SLC35F1: variants seen among roughly 807,000 people sequenced by gnomAD.
SLC35F1 encodes the protein chromosome 6 open reading frame 169.
Under a neutral mutation model 48.7 loss-of-function variants are expected in SLC35F1, and 14 were observed. The ratio of observed to expected loss-of-function variants is 0.29; its 90% CI spans 0.19 to 0.45. The LOEUF is 0.45. Ranked by LOEUF, SLC35F1 falls within the 20% of genes least tolerant of loss-of-function variation. The probability of loss-of-function intolerance (pLI) is 1.00; values close to 1 mark genes in which losing one functional copy is unlikely to be tolerated. For synonymous variants in SLC35F1, 190 were observed against 202.2 expected (o/e 0.94, Z 0.51); for missense variants, 404 against 500.0 (o/e 0.81, Z 1.83).
intron 7 of SLC35F1, among the ~76,000 whole-genome samples, chr6:118,286,647 G>A (rs1776052101): frequency 6.6e-6 from 1 of 152,056 alleles, no homozygotes; most frequent in African/African-American, 2.4e-5. Context: ...GTATAACTGA[G>A]GAATAAAAAT....
At chr6:118,106,101 G>A (rs1041926219) in intron 1 of SLC35F1, among the ~76,000 whole-genome samples, 3 of 152,018 alleles carry the variant, frequency 2.0e-5, no homozygotes, top group East Asian at 1.9e-4. Flanking sequence ...ACTAAGTATT[G>A]GTAATATAAA....
rs1385290034 is a variant in SLC35F1 at position 117,966,134 on chromosome 6, C to A, written c.173+58235C>A. Among the ~76,000 whole-genome samples the A allele has an allele frequency of 1.5e-4, 9 of 60,058 alleles. No homozygotes were observed. The South Asian group carries it at 6.5e-3, about 44-fold the overall frequency. 39.4% of individuals were successfully genotyped at this position (60,058 alleles called of 152,430 possible). A position where few individuals can be genotyped will look rare whatever the true frequency, so the allele number is the denominator to read the frequency against. ...AAGGGAATAAAAGCAGGCCACCGCC[C>A]CCCCCCCCACTCCCGCCCCGCCCCA... On this transcript the variant is annotated intron_variant, in intron 1 of 7. Transcript: ENST00000360388.
rs1025831449 is a variant in SLC35F1 at position 118,173,410 on chromosome 6, A to C, written c.349+18790A>C. ...TAAAAAAAAAACAAAAAACAAAAAA[A>C]AAACAGCCAAAACTTTAGGTTTTAA... On this transcript the variant is annotated intron_variant, in intron 2 of 7. Coordinates refer to ENST00000360388, the MANE Select transcript of SLC35F1 (RefSeq NM_001029858.4). Among the ~76,000 whole-genome samples the C allele has an allele frequency of 2.0e-5, 3 of 151,950 alleles. No individual in the cohort carries two copies. In the East Asian group the frequency reaches 5.8e-4, roughly 29 times the overall value.
intron 2 of SLC35F1, among the ~76,000 whole-genome samples, chr6:118,162,613 T>G (rs1446586357): frequency 6.6e-6 from 1 of 152,204 alleles, no homozygotes; most frequent in Non-Finnish European, 1.5e-5. Flanking sequence ...TGGAATAAGT[T>G]ATCACTGGGC....
At chr6:118,264,861 T>C (rs1000603132) in intron 3 of SLC35F1, among the ~76,000 whole-genome samples, 4 of 152,256 alleles carry the variant, frequency 2.6e-5, no homozygotes, top group Admixed American at 2.6e-4. Flanking sequence ...CTGTAAAACC[T>C]ACCTTAGAGC....
intron 1 of SLC35F1, among the ~76,000 whole-genome samples, chr6:117,962,079 G>C (rs1333931423): frequency 6.6e-6 from 1 of 152,178 alleles, no homozygotes; most frequent in East Asian, 1.9e-4. Flanking sequence ...AGTAACTCTT[G>C]TATTATCGAC....
At chr6:118,188,409 G>A (rs1774688729) in intron 2 of SLC35F1, among the ~76,000 whole-genome samples, 1 of 152,116 alleles carries the variant, frequency 6.6e-6, no homozygotes, top group African/African-American at 2.4e-5. Flanking sequence ...AAGTAGCTGA[G>A]CGTGGTGGCA....
At chr6:117,923,654 C>CATATGTACATATAT (rs1775945975) in intron 1 of SLC35F1, among the ~76,000 whole-genome samples, 2 of 54,070 alleles carry the variant, frequency 3.7e-5, no homozygotes, top group Non-Finnish European at 8.0e-5. Context: ...TACATATGTA[C>CATATGTACATATAT]ATATGTATAT....
chr6:118,179,542 C>G (rs1466509991), intron 2 of SLC35F1, among the ~76,000 whole-genome samples: 1 of 152,114 alleles, frequency 6.6e-6, no homozygotes, highest in East Asian at 1.9e-4. Context: ...AAATGCTATT[C>G]TTTTCTGGGA....
intron 1 of SLC35F1, among the ~76,000 whole-genome samples, chr6:117,983,247 C>G (rs1274806383): frequency 6.6e-6 from 1 of 152,178 alleles, no homozygotes; most frequent in Non-Finnish European, 1.5e-5. Flanking sequence ...AAAACCAACT[C>G]CAAGCACACA....
intron 1 of SLC35F1, among the ~76,000 whole-genome samples, chr6:118,042,118 A>G (rs1448740804): frequency 6.6e-6 from 1 of 152,120 alleles, no homozygotes; most frequent in Non-Finnish European, 1.5e-5. Flanking sequence ...CTTACATGAT[A>G]TATATATTTT....
At chr6:117,976,304 A>G (rs1387833462) in intron 1 of SLC35F1, among the ~76,000 whole-genome samples, 1 of 152,190 alleles carries the variant, frequency 6.6e-6, no homozygotes, top group African/African-American at 2.4e-5. Flanking sequence ...TCCAAGGTAA[A>G]CCGGAGAAAC....
rs571385787 is a variant in SLC35F1, at chr6:117,982,844, T to C, written c.173+74945T>C. Among the ~76,000 whole-genome samples the C allele has an allele frequency of 1.2e-4, 18 of 152,316 alleles. No homozygotes were observed. In the South Asian group the frequency reaches 2.9e-3, roughly 25 times the overall value. On this transcript the variant is annotated intron_variant, in intron 1 of 7. Coordinates refer to ENST00000360388, the MANE Select transcript of SLC35F1 (RefSeq NM_001029858.4). Reference sequence around the variant, plus strand: ...GAAACAAAAAAACGTAGTTTTTTTTTCTCCAAATTTTCTGTACATAATTAC... The same window carrying C: ...GAAACAAAAAAACGTAGTTTTTTTTCCTCCAAATTTTCTGTACATAATTAC...
chr6:118,024,571 C>T (rs1777439132), intron 1 of SLC35F1, among the ~76,000 whole-genome samples: 1 of 152,040 alleles, frequency 6.6e-6, no homozygotes. Flanking sequence ...GGTCTTCAGT[C>T]ATATTTTATT....
chr6:118,098,213 C>A (rs932473039), intron 1 of SLC35F1, among the ~76,000 whole-genome samples: 5 of 152,154 alleles, frequency 3.3e-5, no homozygotes, highest in South Asian at 2.1e-4. Flanking sequence ...TTCACAATAA[C>A]CTCATGAGGT....
At chr6:117,982,250 G>A (rs896620989) in intron 1 of SLC35F1, among the ~76,000 whole-genome samples, 2 of 152,288 alleles carry the variant, frequency 1.3e-5, no homozygotes, top group East Asian at 3.9e-4. Flanking sequence ...TTTACTGGGT[G>A]TATTTCTGTC....
rs1321207791 is a variant in SLC35F1 at position 118,172,303 on chromosome 6, A to G, written c.349+17683A>G. Among the ~76,000 whole-genome samples, 4 of 152,280 alleles carry G rather than the reference A, an allele frequency of 2.6e-5. No individual in the cohort carries two copies. The South Asian group carries it at 8.3e-4, about 32-fold the overall frequency. ...CAGAGTGGATTAGAGACATAGAGGA[A>G]TTTTAGCCAGTTATCAGTGCAAGGT... On this transcript the variant is annotated intron_variant, in intron 2 of 7. Transcript: ENST00000360388.
chr6:117,925,169 T>C (rs1160723761), intron 1 of SLC35F1, among the ~76,000 whole-genome samples: 1 of 152,178 alleles, frequency 6.6e-6, no homozygotes, highest in African/African-American at 2.4e-5. Context: ...TTACCTCAGA[T>C]AGTTAATCTA....
chr6:118,181,639 A>T (rs1261849267), intron 2 of SLC35F1, among the ~76,000 whole-genome samples: 2 of 152,140 alleles, frequency 1.3e-5, no homozygotes, highest in East Asian at 3.8e-4. Flanking sequence ...AAACTTTTCC[A>T]GTTAAAAAAT....
Sources: allele counts gnomAD v4.1 joint callset (sites outside exome capture counted in the v4.1 genomes callset), GRCh38; gene constraint gnomAD v4.1.1; transcripts MANE v1.5; gene names NCBI Gene and HGNC (gene_info 2026-07-23, HGNC 2026-07-21).